ADAMTSL1: variants seen among roughly 807,000 people sequenced by gnomAD.
ADAMTSL1 encodes ADAMTS like 1, also known as ADAMTS-like protein 1.
A neutral mutation model predicts 201.8 loss-of-function variants in ADAMTSL1; 126 were observed. That is an observed-to-expected ratio of 0.62 (90% CI 0.54 to 0.72). The LOEUF (loss-of-function observed/expected upper bound fraction) is 0.72. ADAMTSL1 is among the 30% of genes least tolerant of loss of function. ADAMTSL1 has a pLI of 0.00. For missense variants in ADAMTSL1, 2,679 were observed against 2,277.8 expected (o/e 1.18, Z -3.59); for synonymous variants, 1,121 against 903.4 (o/e 1.24, Z -4.32).
chr9:18,648,220 T>C (rs1827947070), intron 7 of ADAMTSL1, among the ~76,000 whole-genome samples: 3 of 139,518 alleles, frequency 2.2e-5, no homozygotes, highest in Admixed American at 1.5e-4. Context: ...CCCTGCCTTT[T>C]TTTGTTTTCC....
intron 1 of ADAMTSL1, among the ~76,000 whole-genome samples, chr9:18,081,633 C>G (rs909767825): frequency 1.3e-5 from 2 of 152,144 alleles, no homozygotes; most frequent in African/African-American, 4.8e-5. Flanking sequence ...TTTAAAGAAA[C>G]TGAAATCAGG....
intron 2 of ADAMTSL1, among the ~76,000 whole-genome samples, chr9:18,387,731 C>A (rs1196803417): frequency 6.6e-6 from 1 of 151,894 alleles, no homozygotes; most frequent in East Asian, 1.9e-4. Context: ...TTCTTTAAGA[C>A]AGATTACCAG....
At chr9:18,579,352 G>A (rs1430672742) in intron 4 of ADAMTSL1, among the ~76,000 whole-genome samples, 3 of 123,894 alleles carry the variant, frequency 2.4e-5, no homozygotes, top group African/African-American at 9.0e-5. Context: ...TGGTGGGGAG[G>A]GGGGAGGGGG....
At chr9:17,980,961 A>G (rs1180403125) in intron 1 of ADAMTSL1, among the ~76,000 whole-genome samples, 1 of 152,150 alleles carries the variant, frequency 6.6e-6, no homozygotes, top group Non-Finnish European at 1.5e-5. Flanking sequence ...CACTCTTGAC[A>G]ACCAGCTTTT....
intron 1 of ADAMTSL1, among the ~76,000 whole-genome samples, chr9:18,099,355 ATTTTT>A (rs397893715): frequency 1.9e-3 from 86 of 45,498 alleles, no homozygotes; most frequent in South Asian, 4.1e-3. Context: ...ATATATATAT[ATTTTT>A]TTTTTTTTTT....
intron 3 of ADAMTSL1, among the ~76,000 whole-genome samples, chr9:18,562,261 T>A (rs1821557069): frequency 6.6e-6 from 1 of 152,214 alleles, no homozygotes; most frequent in African/African-American, 2.4e-5. Context: ...TAAAGGATTT[T>A]ATTTCTCCTT....
At chr9:18,155,639 C>G (rs1303932088) in intron 1 of ADAMTSL1, among the ~76,000 whole-genome samples, 2 of 151,936 alleles carry the variant, frequency 1.3e-5, no homozygotes, top group Non-Finnish European at 1.5e-5. Context: ...TCCATGTGGC[C>G]TAGAGAAGCC....
chr9:18,725,198 G>GCA (rs1817801316), intron 15 of ADAMTSL1, among the ~76,000 whole-genome samples: 1 of 152,140 alleles, frequency 6.6e-6, no homozygotes, highest in African/African-American at 2.4e-5. Context: ...GAGCCAACGT[G>GCA]CCCGGCCAGG....
chr9:18,055,419 C>T (rs182707684), intron 1 of ADAMTSL1, among the ~76,000 whole-genome samples: 5 of 152,290 alleles, frequency 3.3e-5, no homozygotes, highest in East Asian at 3.9e-4. Context: ...GGTCAATCTC[C>T]TTGTCCTTTT....
chr9:18,643,245 C>T (rs1011568629), intron 7 of ADAMTSL1, among the ~76,000 whole-genome samples: 2 of 151,880 alleles, frequency 1.3e-5, no homozygotes, highest in African/African-American at 4.8e-5. Context: ...CTATTCAGAT[C>T]CTTTGTTTAT....
At chr9:17,926,352 C>G (rs1826528085) in intron 1 of ADAMTSL1, among the ~76,000 whole-genome samples, 1 of 152,016 alleles carries the variant, frequency 6.6e-6, no homozygotes, top group Non-Finnish European at 1.5e-5. Flanking sequence ...GCAAATAACC[C>G]CCAAAACACG....
intron 1 of ADAMTSL1, among the ~76,000 whole-genome samples, chr9:17,929,527 C>A (rs1218044530): frequency 1.3e-5 from 2 of 152,064 alleles, no homozygotes; most frequent in Non-Finnish European, 2.9e-5. Context: ...CCTCACTCCT[C>A]TTCCTCCCTT....
chr9:18,288,658 A>G (rs1266503834), intron 2 of ADAMTSL1, among the ~76,000 whole-genome samples: 1 of 152,216 alleles, frequency 6.6e-6, no homozygotes, highest in Non-Finnish European at 1.5e-5. Flanking sequence ...AAGGAAAAGA[A>G]AAAGATAAAG....
At chr9:18,739,294 G>T (rs1052946192) in intron 15 of ADAMTSL1, among the ~76,000 whole-genome samples, 2 of 152,170 alleles carry the variant, frequency 1.3e-5, no homozygotes, top group African/African-American at 2.4e-5. Flanking sequence ...GAAGTGGATG[G>T]TATGTTGAAA....
At chr9:18,033,837 C>T (rs1028541430) in intron 1 of ADAMTSL1, among the ~76,000 whole-genome samples, 1 of 152,232 alleles carries the variant, frequency 6.6e-6, no homozygotes, top group African/African-American at 2.4e-5. Context: ...TTATACATGT[C>T]TGCATCCTCC....
intron 2 of ADAMTSL1, among the ~76,000 whole-genome samples, chr9:18,270,756 T>C (rs1426071601): frequency 3.9e-5 from 6 of 152,190 alleles, no homozygotes. Flanking sequence ...GGGAAGTAAC[T>C]CTTCAGCCAA....
chr9:18,137,222 A>G (rs1375506682), intron 1 of ADAMTSL1, among the ~76,000 whole-genome samples: 3 of 152,150 alleles, frequency 2.0e-5, no homozygotes, highest in Admixed American at 6.6e-5. Flanking sequence ...TTTTCTTTCT[A>G]TTTATTGGCA....
intron 1 of ADAMTSL1, among the ~76,000 whole-genome samples, chr9:18,048,782 G>A (rs893207919): frequency 1.3e-5 from 2 of 152,170 alleles, no homozygotes; most frequent in Non-Finnish European, 2.9e-5. Context: ...ACATAGTCAT[G>A]TGCTTCAGGA....
In ADAMTSL1 at chr9:18,644,540, C is replaced by T. The variant is rs554079604; in HGVS notation, c.834+5129C>T. Among the ~76,000 whole-genome samples the T allele has an allele frequency of 3.1e-3, 462 of 147,932 alleles. 2 individuals carry two copies. Among genetic ancestry groups the T allele is most frequent in the Non-Finnish European group, 4.7e-3 (313 of 67,004 alleles). The stretch of plus-strand genomic sequence containing the variant: ...CTCCTAATGCTATCCCTCCCCCCTA[C>T]CCCCACCCCACAACAGTCCCCAGAG... On this transcript the variant is annotated intron_variant, in intron 7 of 28. Transcript: ENST00000380548.
Sources: gnomAD v4.1 joint callset for allele counts (sites outside exome capture counted in the v4.1 genomes callset) on GRCh38, gnomAD v4.1.1 for gene constraint, MANE v1.5 for transcripts, NCBI Gene and HGNC (gene_info 2026-07-23, HGNC 2026-07-21) for gene names.